Variants in GP6 observed in about 807,000 individuals in gnomAD.
GP6 encodes the protein platelet glycoprotein VI.
In GP6, 45 loss-of-function variants were observed where a neutral mutation model predicts 37.3. That is an observed-to-expected ratio of 1.21 (90% CI 0.95 to 1.55). GP6 has a LOEUF of 1.55. Ranked by LOEUF, GP6 falls within the 40% of genes most tolerant of loss-of-function variation. The probability of loss-of-function intolerance (pLI) is 0.00; values close to 1 mark genes in which losing one functional copy is unlikely to be tolerated. For synonymous variants in GP6, 340 were observed against 316.4 expected (o/e 1.07, Z -0.79); for missense variants, 813 against 760.2 (o/e 1.07, Z -0.82).
chr19:55,030,755 G>A (rs1363613950), intron 3 of GP6, among the ~76,000 whole-genome samples: 1 of 152,202 alleles, frequency 6.6e-6, no homozygotes, highest in East Asian at 1.9e-4. Context: ...CCCTGGACGG[G>A]GTCTGGGAAC....
rs1437401717 is a variant in GP6, at chr19:55,014,734, G to A, written c.1211C>T (p.Pro404Leu). 4.4e-5 allele frequency: 71 copies of A among 1,613,176 alleles called. No individual in the cohort carries two copies. The highest frequency in any genetic ancestry group is 5.8e-5 in the Non-Finnish European group (69 of 1,179,970). Residue 404 changes from proline (P) to leucine (L), a missense_variant, in exon 8 of 8, where the codon CCT (proline) becomes CTT (leucine). Physicochemically the swap from Pro to Leu is moderately conservative, Grantham distance 98. Transcript: ENST00000310373. ...AATGGAGGGTGCCCTCAGACAGAGA[G>A]GCAGACAGACAGACAGACACTGGCC...
Position 55,014,763 on chromosome 19 carries a change from C to G in GP6, c.1182G>C (p.Pro394=), listed in dbSNP as rs767614700. ...GACAGACAGACAGACACTGGCCGAA[C>G]GGCTCCCTGATGGAACACCAGGAGG... The change falls in exon 8 of 8, where the codon CCG becomes CCC. Residue 394 remains proline, a synonymous_variant. Coordinates refer to ENST00000310373, the MANE Select transcript of GP6 (RefSeq NM_001083899.2). The G allele has an allele frequency of 1.9e-6, 3 of 1,613,746 alleles. No individual in the cohort carries two copies. The highest frequency in any genetic ancestry group is 1.7e-5 in the Admixed American group (1 of 59,940).
Position 55,032,187 on chromosome 19 carries a change from C to A in GP6, c.277G>T (p.Gly93Ter), listed in dbSNP as rs771558250. Residue 93 changes from glycine to a stop codon, truncating the protein, a stop_gained, in exon 3 of 8, where the codon GGA (glycine) becomes TGA (stop). Coordinates refer to ENST00000310373, the MANE Select transcript of GP6 (RefSeq NM_001083899.2). LOFTEE classifies it high-confidence loss of function. ...TCGCTGGGCAGGGACCAGAGGCTTC[C>A]GTTCTGGTAGGAGCAGCGGTAGCGT... 1 of 1,613,888 alleles carries A rather than the reference C, an allele frequency of 6.2e-7. No homozygotes were observed.
At chr19:55,032,022 C>T (rs373815316) in intron 3 of GP6, 117 bp downstream of exon 3, 1 of 995,294 alleles carries the variant, frequency 1.0e-6, no homozygotes, top group Non-Finnish European at 1.5e-6. Flanking sequence ...GTGGCACCAC[C>T]ACCCGCTAGG....
At chr19:55,034,924 G>A (rs1173770213) in intron 1 of GP6, among the ~76,000 whole-genome samples, 3 of 152,000 alleles carry the variant, frequency 2.0e-5, no homozygotes, top group African/African-American at 7.2e-5. Flanking sequence ...TCCACCCCAG[G>A]CTCCCTCTGC....
intron 3 of GP6, among the ~76,000 whole-genome samples, chr19:55,028,511 C>CA (rs1368380728): frequency 2.0e-5 from 3 of 152,236 alleles, no homozygotes; most frequent in South Asian, 2.1e-4. Context: ...TTCTCACACA[C>CA]AAAAAAGTTA....
Position 55,032,351 on chromosome 19 carries a change from A to G in GP6, c.113T>C (p.Val38Ala). The change falls in exon 3 of 8, where the codon GTG becomes GCG. Residue 38 changes from valine (V) to alanine (A), a missense_variant. Physicochemically the swap from Val to Ala is moderately conservative, Grantham distance 64. Coordinates refer to ENST00000310373, the MANE Select transcript of GP6 (RefSeq NM_001083899.2). ...GAGGGTCACTGGCTTCTCCAGGGGC[A>G]CCAGGGAGCTGGGCAGAGCCTGGAG... is the stretch of plus-strand genomic sequence containing the variant. 1 of 1,613,888 alleles carries G rather than the reference A, an allele frequency of 6.2e-7. No individual in the cohort carries two copies. Among genetic ancestry groups the G allele is most frequent in the Non-Finnish European group, 8.5e-7 (1 of 1,179,930 alleles).
intron 6 of GP6, 108 bp from the exon 7 acceptor site, chr19:55,015,841 T>C (rs2073854994): frequency 4.0e-6 from 3 of 745,716 alleles, no homozygotes; most frequent in East Asian, 2.5e-5. Context: ...TTCCACAGCA[T>C]TTAAGAAAAG....
At chr19:55,019,503 T>A (rs1174377854) in intron 5 of GP6, among the ~76,000 whole-genome samples, 1 of 152,164 alleles carries the variant, frequency 6.6e-6, no homozygotes, top group Non-Finnish European at 1.5e-5. Flanking sequence ...TTGTTTTGTT[T>A]TAAAAATCAT....
At chr19:55,037,581 C>CCCGCCT (rs901055456) in intron 1 of GP6, among the ~76,000 whole-genome samples, 2 of 151,068 alleles carry the variant, frequency 1.3e-5, no homozygotes, top group African/African-American at 4.9e-5. Context: ...AGATGGCCCA[C>CCCGCCT]CCGCCTCGGC....
rs114433983 is a variant in GP6 at position 55,024,824 on chromosome 19, C to T, written c.664+394G>A. Among the ~76,000 whole-genome samples the T allele has an allele frequency of 3.1e-3, 474 of 152,150 alleles. 2 individuals carry two copies. The highest frequency in any genetic ancestry group is 0.011 in the African/African-American group (452 of 41,498). ...CTTATGCTCATGGAAGTTTGAGAAC[C>T]GCTGATCAATGCATTCAGTGACTCA... On this transcript the variant is annotated intron_variant, in intron 5 of 7. Coordinates refer to ENST00000310373, the MANE Select transcript of GP6 (RefSeq NM_001083899.2).
intron 7 of GP6, 34 bp downstream of exon 7, chr19:55,015,648 GA>G: frequency 7.4e-7 from 1 of 1,354,676 alleles, no homozygotes; most frequent in Non-Finnish European, 1.1e-6. Flanking sequence ...AGACGGGTGA[GA>G]AGGAAGGGGG....
At chr19:55,024,258 G>T (rs1169896537) in intron 5 of GP6, among the ~76,000 whole-genome samples, 1 of 41,134 alleles carries the variant, frequency 2.4e-5, no homozygotes, top group Non-Finnish European at 6.8e-5. Context: ...AGAAGCACAC[G>T]CACACATATG....
At position 55,014,610 on chromosome 19, in the gene GP6, G is replaced by A; in HGVS notation, c.1335C>T (p.Thr445=). The A allele has an allele frequency of 6.2e-7, 1 of 1,614,062 alleles. No individual in the cohort carries two copies. The highest frequency in any genetic ancestry group is 8.5e-7 in the Non-Finnish European group (1 of 1,179,956). The change falls in exon 8 of 8, where the codon ACC becomes ACT. Residue 445 remains threonine, a synonymous_variant. Transcript: ENST00000310373. ...ATCCGTCTGGAGCCCATATTAGAGA[G>A]GTTGAAGAAAGAGGCCAGTATGTGG...
Position 55,018,091 on chromosome 19 carries a change from G to A in GP6, c.724+561C>T, listed in dbSNP as rs1434053452. Among the ~76,000 whole-genome samples, 7 of 115,458 alleles carry A rather than the reference G, an allele frequency of 6.1e-5. No homozygotes were observed. In the East Asian group the frequency reaches 1.6e-3, roughly 26 times the overall value. The allele number at this position is 115,458 out of a possible 152,430, so 75.7% of individuals were successfully genotyped here. A position where few individuals can be genotyped will look rare whatever the true frequency, so the allele number is the denominator to read the frequency against. Reference sequence around the variant, plus strand: ...TCAAAAAAATAAAAAATAGAACTACGTGGGATCAGGTGCCTCATGAAAGCC... The same window carrying A: ...TCAAAAAAATAAAAAATAGAACTACATGGGATCAGGTGCCTCATGAAAGCC... On this transcript the variant is annotated intron_variant, in intron 6 of 7. Transcript: ENST00000310373.
In GP6 at chr19:55,014,929, A is replaced by C; in HGVS notation, c.1016T>G (p.Met339Arg). The C allele has an allele frequency of 6.2e-7, 1 of 1,613,700 alleles. No homozygotes were observed. The highest frequency in any genetic ancestry group is 8.5e-7 in the Non-Finnish European group (1 of 1,179,984). Reference sequence around the variant, plus strand: ...TGCCTGGGGTTCAGCGGTCATGAACATAACCCGCGGCTGTGAACATCCTGT... The same window carrying C: ...TGCCTGGGGTTCAGCGGTCATGAACCTAACCCGCGGCTGTGAACATCCTGT... The change falls in exon 8 of 8, where the codon ATG becomes AGG. Residue 339 changes from methionine to arginine, a missense_variant. Coordinates refer to ENST00000310373, the MANE Select transcript of GP6 (RefSeq NM_001083899.2).
At chr19:55,025,908 A>T (rs1469304909) in intron 4 of GP6, among the ~76,000 whole-genome samples, 1 of 149,346 alleles carries the variant, frequency 6.7e-6, no homozygotes, top group Non-Finnish European at 1.5e-5. Context: ...AGGCTGAGGC[A>T]GGAGAATCGC....
In GP6 at chr19:55,034,150, A is replaced by ATGTGTGTGTGTGTG. The variant is rs61435060; in HGVS notation, c.35-1626_35-1613dup. 9.4e-3 allele frequency among the ~76,000 whole-genome samples: 1,397 copies of ATGTGTGTGTGTGTG among 149,244 alleles called. 11 individuals are homozygous for ATGTGTGTGTGTGTG. Among genetic ancestry groups the ATGTGTGTGTGTGTG allele is most frequent in the Non-Finnish European group, 0.014 (925 of 67,312 alleles). ...TGTATGTATATGTATATATGTATGC[A>ATGTGTGTGTGTGTG]TGTGTGTGTGTGTGTGTGTGTGTGT... On this transcript the variant is annotated intron_variant, in intron 1 of 7. Coordinates refer to ENST00000310373, the MANE Select transcript of GP6 (RefSeq NM_001083899.2).
intron 1 of GP6, among the ~76,000 whole-genome samples, chr19:55,037,792 C>A (rs1040680236): frequency 1.3e-5 from 2 of 150,236 alleles, no homozygotes; most frequent in Admixed American, 6.7e-5. Flanking sequence ...CCATCACGCC[C>A]GGCTAATTTT....
Sources: gnomAD v4.1 joint callset for allele counts (sites outside exome capture counted in the v4.1 genomes callset) on GRCh38, gnomAD v4.1.1 for gene constraint, MANE v1.5 for transcripts, NCBI Gene and HGNC (gene_info 2026-07-23, HGNC 2026-07-21) for gene names.